The following RCBTB1 variants were observed in gnomAD, a reference collection of about 807,000 sequenced individuals.
RCBTB1 encodes the protein RCC1 and BTB domain containing protein 1.
In RCBTB1, 46 loss-of-function variants were observed where a neutral mutation model predicts 62.4. That is an observed-to-expected ratio of 0.74 (90% CI 0.58 to 0.94). The LOEUF (loss-of-function observed/expected upper bound fraction) is 0.94. Among genes scored for constraint, RCBTB1 ranks in the 40% least tolerant of loss-of-function variants. The pLI, the probability that RCBTB1 is intolerant of heterozygous loss-of-function variation, is 0.00. For missense variants in RCBTB1, 565 were observed against 654.9 expected (o/e 0.86, Z 1.50); for synonymous variants, 222 against 245.8 (o/e 0.90, Z 0.91).
intron 12 of RCBTB1, among the ~76,000 whole-genome samples, chr13:49,536,011 G>GA (rs1959912906): frequency 7.1e-6 from 1 of 141,116 alleles, no homozygotes. Flanking sequence ...AGACAGGAGT[G>GA]AAACTCCATC....
chr13:49,543,273 A>G (rs1163740388), intron 10 of RCBTB1, among the ~76,000 whole-genome samples: 2 of 152,170 alleles, frequency 1.3e-5, no homozygotes, highest in African/African-American at 4.8e-5. Flanking sequence ...CAAAAAAAAA[A>G]GAAAAAGAAT....
intron 4 of RCBTB1, among the ~76,000 whole-genome samples, chr13:49,565,900 C>A (rs1223938226): frequency 1.3e-5 from 2 of 151,644 alleles, no homozygotes; most frequent in East Asian, 3.9e-4. Flanking sequence ...ATAGGAGACT[C>A]CATTTTGTTC....
intron 5 of RCBTB1, among the ~76,000 whole-genome samples, chr13:49,559,373 T>C (rs940804881): frequency 2.0e-5 from 3 of 152,156 alleles, no homozygotes; most frequent in Non-Finnish European, 4.4e-5. Context: ...TAGAAAGTTG[T>C]TGGCTGGGCA....
chr13:49,577,412 G>T (rs1302751633), intron 2 of RCBTB1, among the ~76,000 whole-genome samples: 1 of 152,190 alleles, frequency 6.6e-6, no homozygotes, highest in Non-Finnish European at 1.5e-5. Context: ...AACTGGTTTT[G>T]ATGAAATAAT....
chr13:49,540,037 C>T (rs1207090408), intron 12 of RCBTB1, among the ~76,000 whole-genome samples: 1 of 152,170 alleles, frequency 6.6e-6, no homozygotes, highest in Non-Finnish European at 1.5e-5. Context: ...ATTCTACATG[C>T]ACAACTTAGC....
In RCBTB1 at chr13:49,549,540, C is replaced by T. The variant is rs752186442; in HGVS notation, c.963G>A (p.Pro321=). The change falls in exon 9 of 13, where the codon CCG becomes CCA. Residue 321 remains proline, a synonymous_variant. Transcript: ENST00000378302. ...CGGTGCAGGAGAAGTGGGTGAGGTG[C>T]GGGAGGATCACGGACTGACCCCGGC... ...GQCRGQSVIL[P]HLTHFSCTDD... 4 of 1,614,032 alleles carry T rather than the reference C, an allele frequency of 2.5e-6. No homozygotes were observed. Among genetic ancestry groups the T allele is most frequent in the Non-Finnish European group, 3.4e-6 (4 of 1,179,982 alleles).
At chr13:49,565,492 G>T (rs1380752025) in intron 4 of RCBTB1, among the ~76,000 whole-genome samples, 1 of 150,008 alleles carries the variant, frequency 6.7e-6, no homozygotes, top group Non-Finnish European at 1.5e-5. Flanking sequence ...TGGGATGTGA[G>T]GAGCCCCTCT....
chr13:49,568,346 G>C (rs1236095096), intron 2 of RCBTB1, among the ~76,000 whole-genome samples: 3 of 152,146 alleles, frequency 2.0e-5, no homozygotes, highest in Non-Finnish European at 4.4e-5. Flanking sequence ...TAGTGCAATT[G>C]TTGCCTGCAC....
intron 2 of RCBTB1, 22 bp from the exon 3 acceptor site, chr13:49,567,342 C>T: frequency 6.4e-7 from 1 of 1,558,762 alleles, no homozygotes; most frequent in Non-Finnish European, 8.7e-7. Context: ...GAAAGGATTC[C>T]AGAAAAAAAT....
rs1271999518 is a variant in RCBTB1, at chr13:49,560,092, C to T, written c.278-8G>A. 8 of 1,606,880 alleles carry T rather than the reference C, an allele frequency of 5.0e-6. No homozygotes were observed. In the African/African-American group the frequency reaches 5.4e-5, roughly 11 times the overall value. On this transcript the variant is annotated splice_polypyrimidine_tract_variant and splice_region_variant and intron_variant, in intron 4 of 12. Coordinates refer to ENST00000378302, the MANE Select transcript of RCBTB1 (RefSeq NM_018191.4). Reference sequence around the variant, plus strand: ...AGGCATAAACCACTCCATCTGTGCACACAAAGCACACAAAAAATCAGCTCC... The same window carrying T: ...AGGCATAAACCACTCCATCTGTGCATACAAAGCACACAAAAAATCAGCTCC...
chr13:49,566,941 T>C (rs1286341743), intron 3 of RCBTB1, among the ~76,000 whole-genome samples, 173 bp from the exon 4 acceptor site: 2 of 152,220 alleles, frequency 1.3e-5, no homozygotes, highest in Non-Finnish European at 2.9e-5. Flanking sequence ...CGTTTCAGAA[T>C]GTTTGTCTAT....
intron 1 of RCBTB1, among the ~76,000 whole-genome samples, chr13:49,585,085 G>C (rs1964320111): frequency 6.6e-6 from 1 of 152,156 alleles, no homozygotes; most frequent in Non-Finnish European, 1.5e-5. Context: ...GAGTCGGAGG[G>C]GAGATCTCCT....
chr13:49,552,154 T>C, intron 7 of RCBTB1, 24 bp downstream of exon 7: 1 of 1,456,674 alleles, frequency 6.9e-7, no homozygotes, highest in South Asian at 1.2e-5. Context: ...GGGAAGCCAC[T>C]AACTGAGAGT....
chr13:49,576,238 A>G (rs2137375586), intron 2 of RCBTB1, among the ~76,000 whole-genome samples: 1 of 145,574 alleles, frequency 6.9e-6, no homozygotes, highest in East Asian at 2.1e-4. Flanking sequence ...TAGTCTAGAG[A>G]TTGATGGTGG....
intron 2 of RCBTB1, among the ~76,000 whole-genome samples, chr13:49,573,537 C>T (rs1016040348): frequency 6.6e-6 from 1 of 151,694 alleles, no homozygotes; most frequent in Non-Finnish European, 1.5e-5. Flanking sequence ...CAATCTCCGC[C>T]TCCTGGGTTC....
At chr13:49,542,040 C>T (rs1177862261) in intron 10 of RCBTB1, among the ~76,000 whole-genome samples, 2 of 152,048 alleles carry the variant, frequency 1.3e-5, no homozygotes, top group African/African-American at 4.8e-5. Flanking sequence ...CATGGATAAA[C>T]CCCGTCTCTA....
intron 4 of RCBTB1, among the ~76,000 whole-genome samples, chr13:49,566,348 G>C (rs1963013344): frequency 1.3e-5 from 2 of 152,034 alleles, no homozygotes; most frequent in African/African-American, 4.8e-5. Context: ...AATTAGGCTG[G>C]AAGGACCATC....
At chr13:49,582,115 T>G (rs1290447984) in intron 1 of RCBTB1, among the ~76,000 whole-genome samples, 1 of 152,146 alleles carries the variant, frequency 6.6e-6, no homozygotes, top group Non-Finnish European at 1.5e-5. Context: ...AAGGAGCCAG[T>G]AGAAACATCA....
chr13:49,579,361 C>T (rs1377984253), intron 2 of RCBTB1, among the ~76,000 whole-genome samples: 1 of 152,164 alleles, frequency 6.6e-6, no homozygotes, highest in Admixed American at 6.5e-5. Flanking sequence ...TGGTGGCTCA[C>T]ACCTGTAATC....
Sources: allele counts gnomAD v4.1 joint callset (sites outside exome capture counted in the v4.1 genomes callset), GRCh38; gene constraint gnomAD v4.1.1; transcripts MANE v1.5; gene names NCBI Gene and HGNC (gene_info 2026-07-23, HGNC 2026-07-21).